SLC14A2: variants seen among roughly 807,000 people sequenced by gnomAD.
SLC14A2 encodes solute carrier family 14 member 2, also known as urea transporter 2.
A neutral mutation model predicts 104.6 loss-of-function variants in SLC14A2; 91 were observed. That is an observed-to-expected ratio of 0.87 (90% confidence interval 0.73 to 1.04). The LOEUF (loss-of-function observed/expected upper bound fraction) is 1.04. Ranked by LOEUF, SLC14A2 falls within the 50% of genes least tolerant of loss-of-function variation. The pLI, the probability that SLC14A2 is intolerant of heterozygous loss-of-function variation, is 0.00. For synonymous variants in SLC14A2, 476 were observed against 466.4 expected, an observed-to-expected ratio of 1.02 and a Z score of -0.27; for missense variants, 1,189 against 1,156.0, an observed-to-expected ratio of 1.03 and a Z score of -0.41.
chr18:45,350,619 C>T (rs538824796), intron 1 of SLC14A2, among the ~76,000 whole-genome samples: 123 of 152,256 alleles, frequency 8.1e-4, no homozygotes, highest in African/African-American at 2.6e-3. Context: ...TGTGGCTTCT[C>T]GGGATGCGGT....
chr18:45,216,924 G>A (rs1286878979), intron 1 of SLC14A2, among the ~76,000 whole-genome samples: 1 of 152,038 alleles, frequency 6.6e-6, no homozygotes, highest in African/African-American at 2.4e-5. Context: ...TTCCTATCTG[G>A]TGAGAACTTC....
intron 1 of SLC14A2, among the ~76,000 whole-genome samples, chr18:45,456,604 A>C (rs2086947931): frequency 6.6e-6 from 1 of 152,220 alleles, no homozygotes; most frequent in Non-Finnish European, 1.5e-5. Flanking sequence ...CTCACACTGC[A>C]GCCCAGTCCA....
intron 1 of SLC14A2, among the ~76,000 whole-genome samples, chr18:45,377,272 T>C (rs1049909149): frequency 1.3e-5 from 2 of 152,056 alleles, no homozygotes; most frequent in Non-Finnish European, 2.9e-5. Flanking sequence ...TACTACCTTC[T>C]TCTTTTCTTT....
At chr18:45,322,187 A>C (rs539773210) in intron 1 of SLC14A2, among the ~76,000 whole-genome samples, 188 of 152,358 alleles carry the variant, frequency 1.2e-3, no homozygotes, top group African/African-American at 4.3e-3. Context: ...ATCCAGCTGC[A>C]AAAATGGGAT....
the SLC14A2 span, among the ~76,000 whole-genome samples, chr18:45,178,353 A>G: frequency 4.4e-4 from 67 of 152,310 alleles, no homozygotes; most frequent in African/African-American, 1.4e-3. Context: ...TGAAATAAAA[A>G]CATAAGTAGA....
At chr18:45,648,137 C>G (rs2144577422) in intron 10 of SLC14A2, among the ~76,000 whole-genome samples, 1 of 142,566 alleles carries the variant, frequency 7.0e-6, no homozygotes, top group South Asian at 2.3e-4. Flanking sequence ...TTATGACAAT[C>G]TTTTTCTTCA....
intron 2 of SLC14A2, among the ~76,000 whole-genome samples, chr18:45,577,131 C>A (rs2044428309): frequency 1.8e-5 from 2 of 112,294 alleles, no homozygotes; most frequent in Non-Finnish European, 3.9e-5. Context: ...TGAAGGGCAC[C>A]CTCCCAGGGG....
intron 1 of SLC14A2, among the ~76,000 whole-genome samples, chr18:45,348,083 T>G (rs2085467329): frequency 6.6e-6 from 1 of 152,194 alleles, no homozygotes; most frequent in Non-Finnish European, 1.5e-5. Context: ...GGCAGTGATT[T>G]CTGTACTGCT....
chr18:45,476,558 A>C (rs1378998878), intron 1 of SLC14A2, among the ~76,000 whole-genome samples: 3 of 152,182 alleles, frequency 2.0e-5, no homozygotes, highest in Non-Finnish European at 4.4e-5. Flanking sequence ...TGTCCTGAAC[A>C]ATATCCTGAA....
At chr18:45,235,849 A>ATG (rs533606280) in intron 1 of SLC14A2, among the ~76,000 whole-genome samples, 17 of 93,888 alleles carry the variant, frequency 1.8e-4, no homozygotes, top group East Asian at 4.6e-4. Flanking sequence ...ATATATATGT[A>ATG]TATATACATA....
chr18:45,318,715 A>T (rs1013282780), intron 1 of SLC14A2, among the ~76,000 whole-genome samples: 6 of 151,670 alleles, frequency 4.0e-5, no homozygotes, highest in Non-Finnish European at 7.4e-5. Flanking sequence ...TGAACCCAGG[A>T]GGTGGAAGTT....
At chr18:45,207,467 A>C in the SLC14A2 span, among the ~76,000 whole-genome samples, 1 of 151,842 alleles carries the variant, frequency 6.6e-6, no homozygotes, top group Non-Finnish European at 1.5e-5. Context: ...GAGGGGAAGG[A>C]AAGTGAAGAA....
intron 1 of SLC14A2, among the ~76,000 whole-genome samples, chr18:45,308,154 C>A (rs941278200): frequency 6.6e-6 from 1 of 152,152 alleles, no homozygotes; most frequent in Non-Finnish European, 1.5e-5. Context: ...CCGGTATGTC[C>A]CACCTCTAAC....
intron 1 of SLC14A2, among the ~76,000 whole-genome samples, chr18:45,407,774 T>A (rs1477861568): frequency 2.6e-5 from 4 of 152,128 alleles, no homozygotes; most frequent in African/African-American, 9.7e-5. Flanking sequence ...GGTGAGGAAA[T>A]GGCCATCAGT....
chr18:45,348,176 G>C (rs8092223), intron 1 of SLC14A2, among the ~76,000 whole-genome samples: 3,564 of 152,316 alleles, frequency 0.023, 131 homozygotes, highest in African/African-American at 0.078. Flanking sequence ...CTGGCTCAAA[G>C]CCTGCAGGAA....
At chr18:45,650,174 ATTTGACCAG>A (rs1424686079) in intron 10 of SLC14A2, among the ~76,000 whole-genome samples, 3 of 1,186 alleles carry the variant, frequency 2.5e-3, no homozygotes, top group African/African-American at 0.011. Flanking sequence ...TTGACCTTCC[ATTTGACCAG>A]GCCAGTGATT....
Position 45,252,809 on chromosome 18 carries a change from T to TG in SLC14A2, c.-125+39620dup, listed in dbSNP as rs1466537028. ...AATATTGACTTTTTTTTTTTTTTTT[T>TG]GGCAAATGAGAGAGCCTAATGGAGA... On this transcript the variant is annotated intron_variant, in intron 1 of 20. Coordinates refer to the SLC14A2 transcript ENST00000586448. Among the ~76,000 whole-genome samples, 2 of 150,522 alleles carry TG rather than the reference T, an allele frequency of 1.3e-5. 1 individual carries two copies. The highest frequency in any genetic ancestry group is 4.9e-5 in the African/African-American group (2 of 41,038).
rs2086181443 is a variant in SLC14A2 at position 45,408,566 on chromosome 18, T to C, written c.-124-74667T>C. ...TCTCCAAGAGTTGCTTCTCACGTGG[T>C]AATTGATGGCACCTCTAAGTGTTAC... On this transcript the variant is annotated intron_variant, in intron 1 of 20. Coordinates refer to the SLC14A2 transcript ENST00000586448. Among the ~76,000 whole-genome samples the C allele has an allele frequency of 1.3e-5, 2 of 152,208 alleles. 1 individual carries two copies. Among genetic ancestry groups the C allele is most frequent in the South Asian group, 4.1e-4 (2 of 4,826 alleles).
chr18:45,667,839 C>A lies in SLC14A2; in HGVS notation c.1724C>A (p.Ser575Tyr), dbSNP rs1426635262. 1 of 1,613,848 alleles carries A rather than the reference C, an allele frequency of 6.2e-7. No individual in the cohort carries two copies. Among genetic ancestry groups the A allele is most frequent in the Non-Finnish European group, 8.5e-7 (1 of 1,179,728 alleles). Residue 575 changes from serine to tyrosine, a missense_variant, in exon 14 of 20, where the codon TCC (serine) becomes TAC (tyrosine). Ser to Tyr is a moderately radical substitution (Grantham distance 144, BLOSUM62 -2). Coordinates refer to ENST00000255226, the MANE Select transcript of SLC14A2 (RefSeq NM_007163.4). Reference protein sequence around the residue: ...KECGEGLKDKSPVFQFFDWVL... With the variant: ...KECGEGLKDKYPVFQFFDWVL... The stretch of plus-strand genomic sequence containing the variant: ...TGCCCCGGTTCCATTTCAGACAAGT[C>A]CCCAGTGTTCCAGTTCTTTGACTGG...
Sources: gnomAD v4.1 joint callset for allele counts (sites outside exome capture counted in the v4.1 genomes callset) on GRCh38, gnomAD v4.1.1 for gene constraint, MANE v1.5 for transcripts, NCBI Gene and HGNC (gene_info 2026-07-23, HGNC 2026-07-21) for gene names.